The following FUT8 variants were observed in gnomAD, a reference collection of about 807,000 sequenced individuals.
The protein encoded by FUT8 is alpha-(1,6)-fucosyltransferase.
A neutral mutation model predicts 71.3 loss-of-function variants in FUT8; 29 were observed. The observed-to-expected ratio is 0.41, with a 90% confidence interval of 0.30 to 0.55. The LOEUF is 0.55. FUT8 is among the 20% of genes least tolerant of loss of function. The probability of loss-of-function intolerance (pLI) is 0.34; values close to 1 mark genes in which losing one functional copy is unlikely to be tolerated. For missense variants in FUT8, 544 were observed against 702.1 expected, an observed-to-expected ratio of 0.77 and a Z score of 2.55; for synonymous variants, 254 against 239.3, an observed-to-expected ratio of 1.06 and a Z score of -0.57.
At chr14:65,524,577 C>A (rs1247720115) in intron 2 of FUT8, among the ~76,000 whole-genome samples, 2 of 152,150 alleles carry the variant, frequency 1.3e-5, no homozygotes, top group African/African-American at 2.4e-5. Flanking sequence ...CTTTCACCTG[C>A]CCGATTGCCC....
chr14:65,466,344 GTTCT>G (rs2066044429), intron 2 of FUT8, among the ~76,000 whole-genome samples: 1 of 152,110 alleles, frequency 6.6e-6, no homozygotes, highest in Admixed American at 6.5e-5. Context: ...CATTGTCCTT[GTTCT>G]TTCTTTTTTC....
chr14:65,597,751 T>C (rs905477950), intron 3 of FUT8, among the ~76,000 whole-genome samples: 3 of 152,156 alleles, frequency 2.0e-5, no homozygotes, highest in African/African-American at 4.8e-5. Flanking sequence ...ACATCTGTTA[T>C]ACAACATTGA....
chr14:65,650,707 C>CAAAAAAAAAAAAAAAAAA (rs57971519), intron 6 of FUT8, among the ~76,000 whole-genome samples: 8 of 118,952 alleles, frequency 6.7e-5, no homozygotes, highest in African/African-American at 1.4e-4. Context: ...CTGCTAATTA[C>CAAAAAAAAAAAAAAAAAA]AAAAAAAAAA....
chr14:65,637,511 C>A (rs1890621630), intron 6 of FUT8, among the ~76,000 whole-genome samples: 15 of 151,998 alleles, frequency 9.9e-5, no homozygotes, highest in Admixed American at 8.5e-4. Flanking sequence ...TTCTGCATAG[C>A]CCCAAAGTTG....
rs59069113 is a variant in FUT8 at position 65,580,070 on chromosome 14, T to TTATATATATATATATA, written c.203+18309_203+18324dup. Among the ~76,000 whole-genome samples, 371 of 142,816 alleles carry TTATATATATATATATA rather than the reference T, an allele frequency of 2.6e-3. 5 individuals carry two copies. The highest frequency in any genetic ancestry group is 8.6e-3 in the African/African-American group (328 of 38,042). 93.7% of individuals were successfully genotyped at this position (142,816 alleles called of 152,430 possible). On this transcript the variant is annotated intron_variant, in intron 3 of 10. Coordinates refer to ENST00000673929, the MANE Select transcript of FUT8 (RefSeq NM_001371533.1). ...TTCAAAATACTGATAGTGCTATATT[T>TTATATATATATATATA]TATATATATATATATATATAGTCAT...
At chr14:65,708,144 A>T in intron 7 of FUT8, among the ~76,000 whole-genome samples, 1 of 152,132 alleles carries the variant, frequency 6.6e-6, no homozygotes, top group Non-Finnish European at 1.5e-5. Context: ...GACCTGGTGG[A>T]TGTAATTGAA....
chr14:65,411,427 G>A (rs1374679798), upstream of FUT8: 2 of 153,204 alleles, frequency 1.3e-5, no homozygotes, highest in African/African-American at 4.8e-5. Context: ...GCTGCTTGAG[G>A]ACAAGGGATT....
At chr14:65,702,811 T>C (rs567169308) in intron 7 of FUT8, among the ~76,000 whole-genome samples, 165 of 152,106 alleles carry the variant, frequency 1.1e-3, no homozygotes, top group Admixed American at 2.6e-3. Context: ...CCATCTCGGC[T>C]CACTGCAACC....
At chr14:65,442,068 A>G (rs558374964) in intron 1 of FUT8, among the ~76,000 whole-genome samples, 2 of 152,124 alleles carry the variant, frequency 1.3e-5, no homozygotes, top group African/African-American at 4.8e-5. Flanking sequence ...TGGGTTTTCA[A>G]AGGGCTCCCA....
chr14:65,514,301 C>T (rs892987025), intron 2 of FUT8, among the ~76,000 whole-genome samples: 3 of 152,050 alleles, frequency 2.0e-5, no homozygotes, highest in Non-Finnish European at 2.9e-5. Flanking sequence ...TAAGAATGGC[C>T]TCCTGTCCTA....
chr14:65,381,163 T>C, the FUT8 span, among the ~76,000 whole-genome samples: 1 of 152,244 alleles, frequency 6.6e-6, no homozygotes, highest in African/African-American at 2.4e-5. Context: ...CATTTAACAC[T>C]ATCTTTTTGA....
At chr14:65,610,391 C>CG in intron 3 of FUT8, among the ~76,000 whole-genome samples, 1 of 140,682 alleles carries the variant, frequency 7.1e-6, no homozygotes, top group African/African-American at 2.6e-5. Flanking sequence ...TTTCTGACAC[C>CG]TTTTTTTTTT....
chr14:65,512,492 CAT>C (rs1882412228), intron 2 of FUT8, among the ~76,000 whole-genome samples: 1 of 152,116 alleles, frequency 6.6e-6, no homozygotes, highest in South Asian at 2.1e-4. Context: ...TGGGACCACT[CAT>C]ATATGCAGTT....
In FUT8 at chr14:65,435,500, A is replaced by G. The variant is rs556914350; in HGVS notation, c.-325-20121A>G. 8.5e-5 allele frequency among the ~76,000 whole-genome samples: 13 copies of G among 152,314 alleles called. No individual in the cohort carries two copies. In the South Asian group the frequency reaches 1.0e-3, roughly 12 times the overall value. ...TGAATGTACCATGGTTAGTTTATCC[A>G]TTTGTCTGTTGAAAGACGTTTAGCT... is the stretch of plus-strand genomic sequence containing the variant. On this transcript the variant is annotated intron_variant, in intron 1 of 10. Coordinates refer to ENST00000673929, the MANE Select transcript of FUT8 (RefSeq NM_001371533.1).
At chr14:65,613,267 AT>A (rs1248190387) in intron 3 of FUT8, among the ~76,000 whole-genome samples, 3 of 152,184 alleles carry the variant, frequency 2.0e-5, no homozygotes, top group East Asian at 3.8e-4. Flanking sequence ...CAATTTTTCT[AT>A]CACTAACATA....
intron 7 of FUT8, among the ~76,000 whole-genome samples, chr14:65,680,570 A>G (rs1892990579): frequency 6.6e-6 from 1 of 152,136 alleles, no homozygotes; most frequent in South Asian, 2.1e-4. Flanking sequence ...TACACTTTAA[A>G]TTTTTATCAG....
chr14:65,538,079 T>C (rs1414217912), intron 2 of FUT8, among the ~76,000 whole-genome samples: 1 of 152,174 alleles, frequency 6.6e-6, no homozygotes, highest in Non-Finnish European at 1.5e-5. Flanking sequence ...TTTAGTCCCC[T>C]AGGGCCAAAG....
intron 7 of FUT8, among the ~76,000 whole-genome samples, chr14:65,721,312 T>G (rs1357148342): frequency 6.6e-6 from 1 of 152,180 alleles, no homozygotes; most frequent in Non-Finnish European, 1.5e-5. Context: ...TGGCTTATAA[T>G]TATAATCTTC....
chr14:65,697,993 A>C (rs976948490), intron 7 of FUT8, among the ~76,000 whole-genome samples: 2 of 148,774 alleles, frequency 1.3e-5, no homozygotes, highest in Non-Finnish European at 3.0e-5. Context: ...CTCCATCTCA[A>C]AAAAAAAAAA....
Sources: allele counts gnomAD v4.1 joint callset (sites outside exome capture counted in the v4.1 genomes callset), GRCh38; gene constraint gnomAD v4.1.1; transcripts MANE v1.5; gene names NCBI Gene and HGNC (gene_info 2026-07-23, HGNC 2026-07-21).